DHRS4: variants seen among roughly 807,000 people sequenced by gnomAD.
DHRS4 encodes dehydrogenase/reductase SDR family member 4.
A neutral mutation model predicts 28.4 loss-of-function variants in DHRS4; 20 were observed. That is an observed-to-expected ratio of 0.71 (90% CI 0.50 to 1.02). DHRS4 has a LOEUF of 1.02. DHRS4 is among the 50% of genes least tolerant of loss of function. The pLI is 0.00. For missense variants in DHRS4, 378 were observed against 367.2 expected, an observed-to-expected ratio of 1.03 and a Z score of -0.24; for synonymous variants, 144 against 146.4, an observed-to-expected ratio of 0.98 and a Z score of 0.12.
At position 23,955,071 on chromosome 14, in the gene DHRS4, C is replaced by G. The variant is rs527652442; in HGVS notation, c.165C>G (p.Asp55Glu). ...CCATCGCCCGGCGTTTGGCCCAGGACGGGGCCCATGTGGTCGTCAGCAGCC... is the reference window on the plus strand; with the variant it reads ...CCATCGCCCGGCGTTTGGCCCAGGAGGGGGCCCATGTGGTCGTCAGCAGCC... ...GFAIARRLAQDGAHVVVSSRK... is the reference protein window; with the variant it reads ...GFAIARRLAQEGAHVVVSSRK... The change falls in exon 2 of 8, where the codon GAC becomes GAG. Residue 55 changes from aspartate (D) to glutamate (E), a missense_variant. Asp to Glu is a conservative substitution (Grantham distance 45). Coordinates refer to ENST00000313250, the MANE Select transcript of DHRS4 (RefSeq NM_021004.4). 1.2e-6 allele frequency: 2 copies of G among 1,614,168 alleles called. No homozygotes were observed. Among genetic ancestry groups the G allele is most frequent in the Admixed American group, 1.7e-5 (1 of 60,022 alleles).
chr14:23,954,983 G>A (rs890427112), intron 1 of DHRS4, 52 bp from the exon 2 acceptor site: 26 of 1,607,100 alleles, frequency 1.6e-5, no homozygotes, highest in African/African-American at 1.2e-4. Context: ...TCATACTGTC[G>A]ACCTCTTCCC....
intron 2 of DHRS4, among the ~76,000 whole-genome samples, chr14:23,958,451 T>TGAAAACCCTTGTTGGCA (rs1435362376): frequency 1.3e-5 from 2 of 152,190 alleles, no homozygotes; most frequent in Non-Finnish European, 2.9e-5. Context: ...GGCTTTGTAC[T>TGAAAACCCTTGTTGGCA]GAAAACCCTT....
chr14:23,955,204 G>C lies in DHRS4; in HGVS notation c.298G>C (p.Val100Leu), dbSNP rs1268650327. 11 of 1,612,746 alleles carry C rather than the reference G, an allele frequency of 6.8e-6. No individual in the cohort carries two copies. The highest frequency in any genetic ancestry group is 1.1e-5 in the South Asian group (1 of 90,934). The change falls in exon 2 of 8, where the codon GTG (valine) becomes CTG (leucine). Residue 100 changes from valine to leucine, a missense_variant. Val to Leu is a conservative substitution (Grantham distance 32). Coordinates refer to ENST00000313250, the MANE Select transcript of DHRS4 (RefSeq NM_021004.4). The part of the protein sequence containing the change: ...VGKAEDRERL[V>L]ATAVKLHGGI... The stretch of plus-strand genomic sequence containing the variant: ...GAAGGCGGAGGACCGGGAGCGGCTG[G>C]TGGCCACGGTGAGCTGCAGGGAAAT...
At chr14:23,967,388 C>G (rs1299536674) in intron 7 of DHRS4, 122 bp downstream of exon 7, 4 of 1,274,104 alleles carry the variant, frequency 3.1e-6, no homozygotes, top group African/African-American at 1.5e-5. Context: ...TTCTGCCTCA[C>G]AGACCACGAA....
chr14:23,966,208 G>T lies in DHRS4; in HGVS notation c.532-75G>T, dbSNP rs1253052424. On this transcript the variant is annotated intron_variant, in intron 5 of 7. Transcript: ENST00000313250. ...TTACAGGAGATCCCTATTGAGCACT[G>T]CCCTCTATGTCTAGTTATTAGAACC... The T allele has an allele frequency of 2.5e-6, 4 of 1,580,474 alleles. No individual in the cohort carries two copies. In the African/African-American group the frequency reaches 5.4e-5, roughly 21 times the overall value.
intron 3 of DHRS4, among the ~76,000 whole-genome samples, chr14:23,964,669 C>T (rs374469613): frequency 1.4e-4 from 19 of 137,334 alleles, no homozygotes; most frequent in South Asian, 5.1e-4. Flanking sequence ...CTCCACCTCC[C>T]GGGTTCAAGC....
At position 23,953,924 on chromosome 14, in the gene DHRS4, C is replaced by T. The variant is rs577132086; in HGVS notation, c.128+8C>T. ...AACGGCCTCCACCGACGGGTGAGTG[C>T]TCCGGCCGGAGTTTCTGAGGCCCTG... On this transcript the variant is annotated splice_region_variant and intron_variant, in intron 1 of 7. Coordinates refer to ENST00000313250, the MANE Select transcript of DHRS4 (RefSeq NM_021004.4). The T allele has an allele frequency of 2.4e-4, 381 of 1,575,972 alleles. 2 individuals carry two copies. The highest frequency in any genetic ancestry group is 1.1e-3 in the South Asian group (97 of 87,466).
At chr14:23,964,312 TA>T (rs1163176655) in intron 3 of DHRS4, among the ~76,000 whole-genome samples, 1 of 149,196 alleles carries the variant, frequency 6.7e-6, no homozygotes, top group African/African-American at 2.5e-5. Flanking sequence ...TTAATTTGTA[TA>T]TTTTTTAAAC....
At chr14:23,961,066 T>G (rs1566473494) in intron 3 of DHRS4, among the ~76,000 whole-genome samples, 2 of 151,934 alleles carry the variant, frequency 1.3e-5, no homozygotes, top group East Asian at 1.9e-4. Context: ...TCATAAGGGA[T>G]CCACCCTCAT....
intron 3 of DHRS4, among the ~76,000 whole-genome samples, 162 bp from the exon 4 acceptor site, chr14:23,965,600 C>T: frequency 6.8e-6 from 1 of 147,570 alleles, no homozygotes; most frequent in East Asian, 2.1e-4. Context: ...AGCTACTTCT[C>T]CCTGAACCTC....
In DHRS4 at chr14:23,965,125, T is replaced by A. The variant is rs1174037917; in HGVS notation, c.409-637T>A. On this transcript the variant is annotated intron_variant, in intron 3 of 7. Transcript: ENST00000313250. ...TCTGTAAGATTGAAATATTTTAATA[T>A]AAGCAGTTGTCTAGAACAGTGTAAA... Among the ~76,000 whole-genome samples the A allele has an allele frequency of 2.0e-5, 3 of 150,390 alleles. No individual in the cohort carries two copies. The East Asian group carries it at 5.9e-4, about 29-fold the overall frequency.
intron 2 of DHRS4, among the ~76,000 whole-genome samples, chr14:23,957,945 G>T (rs558747704): frequency 0.013 from 1,923 of 150,912 alleles, 46 homozygotes; most frequent in African/African-American, 0.044. Flanking sequence ...GGAGTATGGG[G>T]TATACAGCAG....
chr14:23,961,961 A>G (rs965463629), intron 3 of DHRS4, among the ~76,000 whole-genome samples: 6 of 134,488 alleles, frequency 4.5e-5, no homozygotes, highest in Admixed American at 1.5e-4. Flanking sequence ...AGTGAATATT[A>G]TAATAAAGTG....
At chr14:23,967,292 C>G (rs756934442) in intron 7 of DHRS4, 26 bp downstream of exon 7, 20 of 1,607,314 alleles carry the variant, frequency 1.2e-5, no homozygotes, top group South Asian at 8.9e-5. Context: ...GGCAAGGGCA[C>G]TAAGAGACAT....
At chr14:23,956,855 G>C (rs138446061) in intron 2 of DHRS4, among the ~76,000 whole-genome samples, 1 of 151,988 alleles carries the variant, frequency 6.6e-6, no homozygotes, top group African/African-American at 2.4e-5. Context: ...CCACCCCCTC[G>C]GCCTCCCAAT....
chr14:23,955,742 C>A (rs1476068973), intron 2 of DHRS4, among the ~76,000 whole-genome samples: 1 of 152,192 alleles, frequency 6.6e-6, no homozygotes, highest in African/African-American at 2.4e-5. Context: ...GGTCCCACAG[C>A]CAGTAAGGAA....
chr14:23,965,843 T>A lies in DHRS4; in HGVS notation c.479+11T>A, dbSNP rs775696092. On this transcript the variant is annotated intron_variant, in intron 4 of 7. Transcript: ENST00000313250. ...AATGGAGAAACGAGGGTACAGAGAGTGAGAGAGAGCCTGGGTGAGAGGGGA... is the reference window on the plus strand; with the variant it reads ...AATGGAGAAACGAGGGTACAGAGAGAGAGAGAGAGCCTGGGTGAGAGGGGA... 1.2e-6 allele frequency: 2 copies of A among 1,606,026 alleles called. No individual in the cohort carries two copies. Among genetic ancestry groups the A allele is most frequent in the Non-Finnish European group, 1.7e-6 (2 of 1,175,974 alleles).
At chr14:23,958,732 C>A (rs903954002) in intron 2 of DHRS4, among the ~76,000 whole-genome samples, 1 of 152,200 alleles carries the variant, frequency 6.6e-6, no homozygotes, top group African/African-American at 2.4e-5. Flanking sequence ...GACCCCAACT[C>A]ACTTTCAGAG....
intron 2 of DHRS4, among the ~76,000 whole-genome samples, chr14:23,957,833 G>A (rs1302309612): frequency 2.0e-5 from 3 of 149,660 alleles, no homozygotes; most frequent in Admixed American, 1.3e-4. Context: ...TTATAGGTGT[G>A]AGCCACCACA....
Sources: allele counts gnomAD v4.1 joint callset (sites outside exome capture counted in the v4.1 genomes callset), GRCh38; gene constraint gnomAD v4.1.1; transcripts MANE v1.5; gene names NCBI Gene and HGNC (gene_info 2026-07-23, HGNC 2026-07-21).